TAFA4: variants seen among roughly 807,000 people sequenced by gnomAD.
TAFA4 encodes chemokine-like protein TAFA-4.
TAFA4 carries 20 observed loss-of-function variants against 21.1 expected under a neutral mutation model. That is an observed-to-expected ratio of 0.95 (90% confidence interval 0.67 to 1.38). The LOEUF (loss-of-function observed/expected upper bound fraction) is 1.38. Among genes scored for constraint, TAFA4 ranks in the 40% most tolerant of loss-of-function variants. TAFA4 has a pLI of 0.00. For synonymous variants in TAFA4, 71 were observed against 67.4 expected, an observed-to-expected ratio of 1.05 and a Z score of -0.26; for missense variants, 211 against 180.9, an observed-to-expected ratio of 1.17 and a Z score of -0.95.
intron 1 of TAFA4, among the ~76,000 whole-genome samples, chr3:68,917,679 G>A (rs1015752276): frequency 3.4e-5 from 5 of 148,736 alleles, no homozygotes; most frequent in African/African-American, 5.0e-5. Context: ...ACTTGAACTC[G>A]AGAGGCAGAG....
intron 4 of TAFA4, among the ~76,000 whole-genome samples, chr3:68,744,692 C>T (rs1702421888): frequency 6.6e-6 from 1 of 152,072 alleles, no homozygotes; most frequent in Non-Finnish European, 1.5e-5. Flanking sequence ...GGATGTATAT[C>T]ACAGAACACT....
intron 1 of TAFA4, among the ~76,000 whole-genome samples, chr3:68,893,184 A>G (rs753595314): frequency 7.2e-5 from 11 of 152,256 alleles, no homozygotes; most frequent in Non-Finnish European, 1.5e-4. Context: ...ATCAATAGCC[A>G]ACATAAATTT....
intron 3 of TAFA4, among the ~76,000 whole-genome samples, chr3:68,856,663 C>T (rs1705076848): frequency 6.6e-6 from 1 of 152,148 alleles, no homozygotes; most frequent in Non-Finnish European, 1.5e-5. Context: ...GTTCCACTTT[C>T]GCTTCTAGCA....
chr3:68,920,639 A>ATTTT (rs367598663), intron 1 of TAFA4, among the ~76,000 whole-genome samples: 3 of 130,236 alleles, frequency 2.3e-5, no homozygotes, highest in African/African-American at 6.0e-5. Context: ...TTTTTCTCTA[A>ATTTT]TTTTTTTTTT....
At chr3:68,924,254 A>G (rs1471995309) in intron 1 of TAFA4, among the ~76,000 whole-genome samples, 2 of 152,260 alleles carry the variant, frequency 1.3e-5, no homozygotes, top group Non-Finnish European at 2.9e-5. Context: ...TTGAAGGACA[A>G]ATAAAAAATA....
At chr3:68,810,514 CAGA>C (rs1252392337) in intron 3 of TAFA4, among the ~76,000 whole-genome samples, 1 of 152,176 alleles carries the variant, frequency 6.6e-6, no homozygotes, top group African/African-American at 2.4e-5. Flanking sequence ...AACAGCAGAC[CAGA>C]AGATTATATC....
At chr3:68,897,292 A>G (rs2089800780) in intron 1 of TAFA4, among the ~76,000 whole-genome samples, 1 of 152,110 alleles carries the variant, frequency 6.6e-6, no homozygotes, top group African/African-American at 2.4e-5. Flanking sequence ...AGGACCTTTC[A>G]CCATGCCTTT....
rs111761904 is a variant in TAFA4, at chr3:68,885,326, CA to C, written c.-122-17del. 74,499 of 423,168 alleles carry C rather than the reference CA, an allele frequency of 0.18. 13 individuals carry two copies. The highest frequency in any genetic ancestry group is 0.23 in the South Asian group (5,960 of 25,812). 26.2% of individuals were successfully genotyped at this position (423,168 alleles called of 1,614,324 possible). On this transcript the variant is annotated splice_polypyrimidine_tract_variant and intron_variant, in intron 1 of 5. Transcript: ENST00000295569. ...CTCAGAAGACCTATGTTAAAAAGGCCAAAAAAAAAAAAGGAATCAATTAGCA... is the reference window on the plus strand; with the variant it reads ...CTCAGAAGACCTATGTTAAAAAGGCCAAAAAAAAAAAGGAATCAATTAGCA...
At chr3:68,816,153 C>T (rs541784623) in intron 3 of TAFA4, among the ~76,000 whole-genome samples, 17 of 151,292 alleles carry the variant, frequency 1.1e-4, no homozygotes, top group Admixed American at 7.9e-4. Context: ...CATCACACAC[C>T]GGGGCCTGTT....
At chr3:68,930,517 C>G (rs756935081) in intron 1 of TAFA4, among the ~76,000 whole-genome samples, 4 of 152,156 alleles carry the variant, frequency 2.6e-5, no homozygotes, top group African/African-American at 9.7e-5. Context: ...AGCAAAGTCA[C>G]GCAAAGCAGA....
At chr3:68,896,653 G>A (rs1575662765) in intron 1 of TAFA4, among the ~76,000 whole-genome samples, 1 of 152,324 alleles carries the variant, frequency 6.6e-6, no homozygotes. Context: ...TTGACTGCTT[G>A]TTCGCAGGCT....
intron 4 of TAFA4, among the ~76,000 whole-genome samples, chr3:68,750,933 C>T (rs1245880316): frequency 3.3e-5 from 5 of 152,174 alleles, no homozygotes; most frequent in Non-Finnish European, 7.3e-5. Flanking sequence ...ACATCCCCAT[C>T]CACAAGCTGT....
In TAFA4 at chr3:68,845,920, C is replaced by T. The variant is rs544557369; in HGVS notation, c.130+34810G>A. 4.3e-4 allele frequency among the ~76,000 whole-genome samples: 65 copies of T among 152,240 alleles called. 1 individual carries two copies. The South Asian group carries it at 5.8e-3, about 14-fold the overall frequency. ...GATGGTCTTCCCTTTGTGGGTAACC[C>T]GACCTTTCTCTCTGGATGCTCTTAA... On this transcript the variant is annotated intron_variant, in intron 3 of 5. Coordinates refer to ENST00000295569, the MANE Select transcript of TAFA4 (RefSeq NM_182522.5).
At chr3:68,773,475 G>T (rs1702995378) in intron 3 of TAFA4, among the ~76,000 whole-genome samples, 1 of 152,114 alleles carries the variant, frequency 6.6e-6, no homozygotes, top group African/African-American at 2.4e-5. Flanking sequence ...AGGCATGATT[G>T]ATTATATCAC....
chr3:68,793,112 G>A (rs1703393315), intron 3 of TAFA4, among the ~76,000 whole-genome samples: 1 of 152,108 alleles, frequency 6.6e-6, no homozygotes, highest in East Asian at 1.9e-4. Flanking sequence ...AATATAGGCA[G>A]TTAATCACTC....
In TAFA4 at chr3:68,783,750, A is replaced by T. The variant is rs201356822; in HGVS notation, c.131-30732T>A. Among the ~76,000 whole-genome samples, 475 of 145,438 alleles carry T rather than the reference A, an allele frequency of 3.3e-3. 2 individuals carry two copies. The highest frequency in any genetic ancestry group is 0.012 in the African/African-American group (427 of 36,712). On this transcript the variant is annotated intron_variant, in intron 3 of 5. Coordinates refer to ENST00000295569, the MANE Select transcript of TAFA4 (RefSeq NM_182522.5). ...GAAAGAAAGAAAGAAAGAAAGTAAG[A>T]AAGAAAGAAACAAAAACAAAGAAAC...
At chr3:68,785,112 G>A (rs1000284587) in intron 3 of TAFA4, among the ~76,000 whole-genome samples, 1 of 152,198 alleles carries the variant, frequency 6.6e-6, no homozygotes, top group Non-Finnish European at 1.5e-5. Flanking sequence ...CACAAACCCT[G>A]AGCTAGACAC....
chr3:68,893,302 T>C (rs2089751053), intron 1 of TAFA4, among the ~76,000 whole-genome samples: 3 of 152,158 alleles, frequency 2.0e-5, no homozygotes, highest in Admixed American at 2.0e-4. Flanking sequence ...AAATAATAGG[T>C]CTTCTAATAC....
chr3:68,754,285 C>G (rs1161434950), intron 3 of TAFA4, among the ~76,000 whole-genome samples: 1 of 152,144 alleles, frequency 6.6e-6, no homozygotes, highest in Non-Finnish European at 1.5e-5. Context: ...AGCTATTTTC[C>G]CCCTGATCAG....
Sources: allele counts gnomAD v4.1 joint callset (sites outside exome capture counted in the v4.1 genomes callset), GRCh38; gene constraint gnomAD v4.1.1; transcripts MANE v1.5; gene names NCBI Gene and HGNC (gene_info 2026-07-23, HGNC 2026-07-21).